The following AFF3 variants were observed in gnomAD, a reference collection of about 807,000 sequenced individuals.
AFF3 encodes the protein AF4/FMR2 family member 3.
Under a neutral mutation model 129.7 loss-of-function variants are expected in AFF3, and 32 were observed. The ratio of observed to expected loss-of-function variants is 0.25; its 90% CI spans 0.19 to 0.33. The LOEUF (loss-of-function observed/expected upper bound fraction) is 0.33. AFF3 is among the 10% of genes least tolerant of loss of function. AFF3 has a pLI of 1.00. For synonymous variants in AFF3, 644 were observed against 635.4 expected (o/e 1.01, Z -0.20); for missense variants, 1,373 against 1,592.0 (o/e 0.86, Z 2.34).
intron 4 of AFF3, among the ~76,000 whole-genome samples, chr2:100,019,581 G>A (rs1356480119): frequency 6.6e-6 from 1 of 152,178 alleles, no homozygotes. Flanking sequence ...ACCTGTTTTG[G>A]TACAGGCAGT....
chr2:100,133,659 A>C (rs550438393), intron 1 of AFF3, among the ~76,000 whole-genome samples: 28 of 152,280 alleles, frequency 1.8e-4, no homozygotes, highest in African/African-American at 6.5e-4. Flanking sequence ...TAGGCCGGGC[A>C]CAGTGGCTCA....
intron 4 of AFF3, among the ~76,000 whole-genome samples, chr2:100,035,146 C>A (rs1392074917): frequency 6.6e-6 from 1 of 152,162 alleles, no homozygotes; most frequent in African/African-American, 2.4e-5. Context: ...TCTCTGGGCA[C>A]CTGTGGAATC....
chr2:99,857,050 T>C (rs561470249), intron 7 of AFF3, among the ~76,000 whole-genome samples: 1 of 152,214 alleles, frequency 6.6e-6, no homozygotes, highest in South Asian at 2.1e-4. Context: ...CAGAGACAAA[T>C]AGTGTTCTAA....
chr2:99,739,686 G>A (rs1193595660), intron 10 of AFF3, among the ~76,000 whole-genome samples: 1 of 152,086 alleles, frequency 6.6e-6, no homozygotes, highest in Non-Finnish European at 1.5e-5. Context: ...CTATAATACA[G>A]TCTTTCTCAC....
intron 14 of AFF3, among the ~76,000 whole-genome samples, chr2:99,595,667 A>T (rs1679212785): frequency 6.6e-6 from 1 of 152,118 alleles, no homozygotes; most frequent in South Asian, 2.1e-4. Context: ...TATTAAGAGC[A>T]GAACTCAGGG....
At chr2:99,954,977 AAAAT>A (rs1388470118) in intron 7 of AFF3, among the ~76,000 whole-genome samples, 12 of 152,022 alleles carry the variant, frequency 7.9e-5, no homozygotes, top group Admixed American at 2.6e-4. Flanking sequence ...AACTACAAAA[AAAAT>A]AAATAAATAA....
chr2:99,835,024 C>A (rs1207638248), intron 8 of AFF3, among the ~76,000 whole-genome samples: 1 of 152,168 alleles, frequency 6.6e-6, no homozygotes, highest in Non-Finnish European at 1.5e-5. Context: ...GCCAAACTCA[C>A]CATGCTCAAA....
In AFF3 at chr2:100,105,531, G is replaced by T. The variant is rs1212780183; in HGVS notation, c.-92C>A. 1 of 1,331,840 alleles carries T rather than the reference G, an allele frequency of 7.5e-7. No homozygotes were observed. Among genetic ancestry groups the T allele is most frequent in the Admixed American group, 2.3e-5 (1 of 44,172 alleles). The allele number at this position is 1,331,840 out of a possible 1,614,324, so 82.5% of individuals were successfully genotyped here. On this transcript the variant is annotated 5_prime_UTR_variant, in exon 3 of 25. Transcript: ENST00000672756. Reference sequence around the variant, plus strand: ...GGAAGGGGGACAAACTGGCCTCTGGGTGTCGACTTCAAACTTGCCGCCCGT... The same window carrying T: ...GGAAGGGGGACAAACTGGCCTCTGGTTGTCGACTTCAAACTTGCCGCCCGT...
intron 7 of AFF3, among the ~76,000 whole-genome samples, chr2:99,973,912 C>G (rs1054150707): frequency 2.0e-5 from 3 of 152,080 alleles, no homozygotes; most frequent in Non-Finnish European, 4.4e-5. Context: ...AGAGTCCTGC[C>G]TTGAGCCAGA....
chr2:99,620,287 G>A lies in AFF3; in HGVS notation c.1185-18666C>T, dbSNP rs145604415. On this transcript the variant is annotated intron_variant, in intron 13 of 24. Coordinates refer to ENST00000672756, the MANE Select transcript of AFF3 (RefSeq NM_001386135.1). ...GATGGGCTTGGACTAGATGATTTCT[G>A]TGGTCCGTCACTTCTAATACCCTTC... Among the ~76,000 whole-genome samples, 935 of 152,246 alleles carry A rather than the reference G, an allele frequency of 6.1e-3. 8 individuals are homozygous for A. The highest frequency in any genetic ancestry group is 0.021 in the African/African-American group (873 of 41,550).
Position 100,044,185 on chromosome 2 carries a change from A to T in AFF3, c.54-35253T>A, listed in dbSNP as rs148853170. On this transcript the variant is annotated intron_variant, in intron 4 of 24. Transcript: ENST00000672756. ...CCTACTTCAGGATGGCAGGGTTCTC[A>T]GTTACACCAGGGGTGCCTGAAAGGC... is the stretch of plus-strand genomic sequence containing the variant. Among the ~76,000 whole-genome samples the T allele has an allele frequency of 1.8e-3, 281 of 152,298 alleles. 3 individuals are homozygous for T. Among genetic ancestry groups the T allele is most frequent in the African/African-American group, 6.3e-3 (263 of 41,560 alleles).
chr2:99,729,877 T>C (rs998194078), intron 10 of AFF3, among the ~76,000 whole-genome samples: 3 of 151,858 alleles, frequency 2.0e-5, no homozygotes, highest in African/African-American at 7.3e-5. Context: ...ACTGGTCTCT[T>C]TGGGAGGGAA....
chr2:99,898,516 T>C (rs766910731), intron 7 of AFF3, among the ~76,000 whole-genome samples: 1 of 152,180 alleles, frequency 6.6e-6, no homozygotes, highest in Non-Finnish European at 1.5e-5. Context: ...AAGCTCTTCC[T>C]CAGGAAGAGT....
chr2:99,950,274 C>A (rs1271570146), intron 7 of AFF3, among the ~76,000 whole-genome samples: 1 of 152,104 alleles, frequency 6.6e-6, no homozygotes, highest in African/African-American at 2.4e-5. Context: ...TTTTCCTTAG[C>A]CAAGTATTTC....
At chr2:99,923,789 C>T (rs550703715) in intron 7 of AFF3, among the ~76,000 whole-genome samples, 25 of 152,076 alleles carry the variant, frequency 1.6e-4, no homozygotes, top group African/African-American at 5.1e-4. Context: ...TATGGCCTAC[C>T]GCAATATGTG....
rs72817045 is a variant in AFF3 at position 99,652,930 on chromosome 2, G to A, written c.1144-3264C>T. Among the ~76,000 whole-genome samples, 1,023 of 152,294 alleles carry A rather than the reference G, an allele frequency of 6.7e-3. 2 individuals are homozygous for A. Among genetic ancestry groups the A allele is most frequent in the Middle Eastern group, 0.017 (5 of 294 alleles). Reference sequence around the variant, plus strand: ...AGGAGAGCTGAGGGAGCAGCGAGAGGCAGGGGAAGAGGACCGGAGCCTGAG... The same window carrying A: ...AGGAGAGCTGAGGGAGCAGCGAGAGACAGGGGAAGAGGACCGGAGCCTGAG... On this transcript the variant is annotated intron_variant, in intron 12 of 24. Coordinates refer to ENST00000672756, the MANE Select transcript of AFF3 (RefSeq NM_001386135.1).
chr2:99,896,761 C>T (rs796194543), intron 7 of AFF3, among the ~76,000 whole-genome samples: 16 of 150,636 alleles, frequency 1.1e-4, no homozygotes, highest in African/African-American at 3.4e-4. Context: ...TCAGACTCCC[C>T]ACTAGCTGGG....
At chr2:99,829,947 G>A (rs1359807209) in intron 8 of AFF3, among the ~76,000 whole-genome samples, 1 of 152,222 alleles carries the variant, frequency 6.6e-6, no homozygotes, top group Non-Finnish European at 1.5e-5. Context: ...ATACTATGCA[G>A]CCATAAAAAG....
At chr2:99,688,888 A>G (rs1166525550) in intron 11 of AFF3, among the ~76,000 whole-genome samples, 1 of 152,084 alleles carries the variant, frequency 6.6e-6, no homozygotes, top group South Asian at 2.1e-4. Flanking sequence ...CACACAATAC[A>G]TGTTTGTTGA....
Sources: gnomAD v4.1 joint callset for allele counts (sites outside exome capture counted in the v4.1 genomes callset) on GRCh38, gnomAD v4.1.1 for gene constraint, MANE v1.5 for transcripts, NCBI Gene and HGNC (gene_info 2026-07-23, HGNC 2026-07-21) for gene names.